MARCHF8: variants seen among roughly 807,000 people sequenced by gnomAD.
MARCHF8 encodes membrane associated ring-CH-type finger 8.
A neutral mutation model predicts 51.6 loss-of-function variants in MARCHF8; 40 were observed. The observed-to-expected ratio is 0.77, with a 90% CI of 0.60 to 1.01. The LOEUF is 1.01. Ranked by LOEUF, MARCHF8 falls within the 50% of genes least tolerant of loss-of-function variation. The pLI is 0.00. For missense variants in MARCHF8, 685 were observed against 708.6 expected (o/e 0.97, Z 0.38); for synonymous variants, 263 against 280.3 (o/e 0.94, Z 0.62).
At chr10:45,511,662 G>C (rs1404825609) in intron 2 of MARCHF8, among the ~76,000 whole-genome samples, 1 of 152,202 alleles carries the variant, frequency 6.6e-6, no homozygotes, top group Non-Finnish European at 1.5e-5. Flanking sequence ...CGCCAGCCTC[G>C]GCCTCCCGAG....
intron 1 of MARCHF8, among the ~76,000 whole-genome samples, chr10:45,574,699 T>G (rs1302950282): frequency 6.6e-6 from 1 of 152,212 alleles, no homozygotes; most frequent in Non-Finnish European, 1.5e-5. Flanking sequence ...CCTGTCTGCA[T>G]GTGGCGGCTA....
chr10:45,473,811 T>C (rs1032964459), intron 3 of MARCHF8, among the ~76,000 whole-genome samples: 3 of 152,182 alleles, frequency 2.0e-5, no homozygotes, highest in African/African-American at 7.2e-5. Context: ...TAGGGTGCCA[T>C]GAGAGCCATC....
At chr10:45,558,160 A>C (rs2044272679) in intron 1 of MARCHF8, among the ~76,000 whole-genome samples, 1 of 152,188 alleles carries the variant, frequency 6.6e-6, no homozygotes, top group Non-Finnish European at 1.5e-5. Flanking sequence ...CTGAGTCTGC[A>C]CTGGGACAAC....
chr10:45,487,676 G>A (rs146163357), intron 3 of MARCHF8, among the ~76,000 whole-genome samples: 30 of 152,268 alleles, frequency 2.0e-4, no homozygotes, highest in African/African-American at 6.0e-4. Context: ...TATTTTTAAC[G>A]CAAAATTAAG....
intron 1 of MARCHF8, among the ~76,000 whole-genome samples, chr10:45,555,594 A>G (rs2044243436): frequency 6.6e-6 from 1 of 151,954 alleles, no homozygotes; most frequent in African/African-American, 2.4e-5. Flanking sequence ...TTCTTTTTTA[A>G]TTAGCTGTGT....
chr10:45,461,950 A>G (rs1842802574), intron 5 of MARCHF8: 1 of 152,220 alleles, frequency 6.6e-6, no homozygotes. Context: ...AAAACTCACC[A>G]TTACAAGATG....
chr10:45,587,746 G>A (rs907676683), intron 1 of MARCHF8, among the ~76,000 whole-genome samples: 6 of 151,164 alleles, frequency 4.0e-5, no homozygotes, highest in African/African-American at 1.5e-4. Context: ...AAAAGCAACA[G>A]GAGAGAGTCC....
Position 45,456,120 on chromosome 10 carries a change from A to G in MARCHF8, c.*2119T>C, listed in dbSNP as rs1272988233. 1.3e-5 allele frequency: 2 copies of G among 152,350 alleles called. No individual in the cohort carries two copies. The highest frequency in any genetic ancestry group is 2.9e-5 in the Non-Finnish European group (2 of 68,108). The allele number at this position is 152,350 out of a possible 1,614,324, so 9.4% of individuals were successfully genotyped here. A position where few individuals can be genotyped will look rare whatever the true frequency, so the allele number is the denominator to read the frequency against. On this transcript the variant is annotated 3_prime_UTR_variant, in exon 8 of 8. Transcript: ENST00000453424. ...AAACACTCATCTACTGCTGGGTGGC[A>G]GGAACAAGTATACAAAACCAGGGGC...
chr10:45,481,642 C>G lies in MARCHF8; in HGVS notation c.153+7725G>C, dbSNP rs545211254. 3.9e-5 allele frequency among the ~76,000 whole-genome samples: 6 copies of G among 152,292 alleles called. No individual in the cohort carries two copies. The South Asian group carries it at 1.0e-3, about 26-fold the overall frequency. On this transcript the variant is annotated intron_variant, in intron 3 of 7. Coordinates refer to ENST00000453424, the MANE Select transcript of MARCHF8 (RefSeq NM_001282866.2). ...CTTGTCTGCTGCCATGTAAGACATG[C>G]CTTTCGCCTTCTGCCATCATTGTGA...
intron 1 of MARCHF8, among the ~76,000 whole-genome samples, chr10:45,580,941 A>T (rs1001281793): frequency 5.3e-5 from 8 of 152,078 alleles, no homozygotes; most frequent in African/African-American, 1.9e-4. Context: ...GCTCTGCCCT[A>T]TTCCCCACTG....
At chr10:45,538,321 T>G (rs2044002990), upstream of MARCHF8, among the ~76,000 whole-genome samples, 1 of 152,136 alleles carries the variant, frequency 6.6e-6, no homozygotes, top group Admixed American at 6.6e-5. Flanking sequence ...AAGGAAGCAC[T>G]AAACATGGAA....
chr10:45,533,911 C>T (rs957489149), intron 1 of MARCHF8, among the ~76,000 whole-genome samples: 3 of 152,144 alleles, frequency 2.0e-5, no homozygotes, highest in East Asian at 1.9e-4. Flanking sequence ...GGGCCGGGTG[C>T]GGTGGCTCAT....
At chr10:45,479,535 T>A (rs986824042) in intron 3 of MARCHF8, among the ~76,000 whole-genome samples, 4 of 152,220 alleles carry the variant, frequency 2.6e-5, no homozygotes, top group African/African-American at 2.4e-5. Flanking sequence ...TGGGAGGGAC[T>A]CAGTGGGAGA....
chr10:45,469,401 C>T (rs1843082835), intron 3 of MARCHF8, among the ~76,000 whole-genome samples: 1 of 152,116 alleles, frequency 6.6e-6, no homozygotes, highest in Admixed American at 6.5e-5. Flanking sequence ...AACAACTTTC[C>T]GACTTTGGGA....
upstream of MARCHF8, among the ~76,000 whole-genome samples, chr10:45,537,694 C>G (rs1324395173): frequency 6.6e-6 from 1 of 151,170 alleles, no homozygotes; most frequent in African/African-American, 2.4e-5. Flanking sequence ...TACTAAGAAG[C>G]CAGTCACAAA....
chr10:45,532,479 T>C (rs1000369467), intron 2 of MARCHF8, among the ~76,000 whole-genome samples: 1 of 152,200 alleles, frequency 6.6e-6, no homozygotes, highest in African/African-American at 2.4e-5. Context: ...GGGAGACAAT[T>C]AGGTCCTAGG....
chr10:45,566,635 C>G (rs2044367740), intron 1 of MARCHF8, among the ~76,000 whole-genome samples: 1 of 152,130 alleles, frequency 6.6e-6, no homozygotes, highest in African/African-American at 2.4e-5. Flanking sequence ...AGTAAGTACT[C>G]CACTGTGTAT....
chr10:45,517,743 C>T (rs1214589071), intron 2 of MARCHF8, among the ~76,000 whole-genome samples: 1 of 152,190 alleles, frequency 6.6e-6, no homozygotes, highest in African/African-American at 2.4e-5. Context: ...ATAACTAAAA[C>T]TTCACACAAA....
At chr10:45,551,743 C>T (rs1232174872) in intron 1 of MARCHF8, among the ~76,000 whole-genome samples, 1 of 152,074 alleles carries the variant, frequency 6.6e-6, no homozygotes, top group Non-Finnish European at 1.5e-5. Flanking sequence ...AGATTTTGGA[C>T]TTGTTAGTCT....
Sources: allele counts gnomAD v4.1 joint callset (sites outside exome capture counted in the v4.1 genomes callset), GRCh38; gene constraint gnomAD v4.1.1; transcripts MANE v1.5; gene names NCBI Gene and HGNC (gene_info 2026-07-23, HGNC 2026-07-21).